PIGU: variants seen among roughly 807,000 people sequenced by gnomAD.
PIGU encodes phosphatidylinositol glycan anchor biosynthesis class U.
A neutral mutation model predicts 49.9 loss-of-function variants in PIGU; 24 were observed. The observed-to-expected ratio is 0.48, with a 90% CI of 0.35 to 0.68. The LOEUF (loss-of-function observed/expected upper bound fraction) is 0.68, where lower values mean the gene tolerates loss of function less well. Ranked by LOEUF, PIGU falls within the 30% of genes least tolerant of loss-of-function variation. The probability of loss-of-function intolerance (pLI) is 0.01; values close to 1 mark genes in which losing one functional copy is unlikely to be tolerated. For missense variants in PIGU, 490 were observed against 532.6 expected (o/e 0.92, Z 0.79); for synonymous variants, 220 against 205.7 (o/e 1.07, Z -0.59).
chr20:34,594,957 T>C (rs1210143895), intron 7 of PIGU, among the ~76,000 whole-genome samples: 2 of 150,818 alleles, frequency 1.3e-5, no homozygotes, highest in African/African-American at 4.9e-5. Flanking sequence ...CCGGGCATGG[T>C]GGGGGGCGCC....
intron 11 of PIGU, among the ~76,000 whole-genome samples, chr20:34,569,808 G>C (rs1982929788): frequency 6.6e-6 from 1 of 152,186 alleles, no homozygotes; most frequent in African/African-American, 2.4e-5. Flanking sequence ...TCATCAATAA[G>C]TAGTCACTGA....
chr20:34,670,434 C>T (rs1987275194), intron 1 of PIGU, among the ~76,000 whole-genome samples: 1 of 151,956 alleles, frequency 6.6e-6, no homozygotes, highest in South Asian at 2.1e-4. Context: ...GCAATCTACC[C>T]ACCTCCCACC....
chr20:34,647,075 T>A (rs1986372593), intron 2 of PIGU, among the ~76,000 whole-genome samples: 1 of 152,172 alleles, frequency 6.6e-6, no homozygotes, highest in Admixed American at 6.5e-5. Context: ...CGATCTCAGC[T>A]CATCGCAACC....
At chr20:34,612,664 C>A (rs1234771724) in intron 7 of PIGU, among the ~76,000 whole-genome samples, 1 of 149,936 alleles carries the variant, frequency 6.7e-6, no homozygotes, top group African/African-American at 2.5e-5. Context: ...CACTTCATCA[C>A]CCAGGCTGGA....
intron 6 of PIGU, among the ~76,000 whole-genome samples, chr20:34,627,249 T>C (rs1037821035): frequency 2.2e-4 from 34 of 152,222 alleles, no homozygotes; most frequent in African/African-American, 7.5e-4. Flanking sequence ...TTCCAATTTA[T>C]AGGTTTGAAT....
At chr20:34,579,783 C>A (rs947663555) in intron 10 of PIGU, among the ~76,000 whole-genome samples, 1 of 152,152 alleles carries the variant, frequency 6.6e-6, no homozygotes, top group Non-Finnish European at 1.5e-5. Context: ...GCCTCCTCAC[C>A]CCAGAGGGCA....
At chr20:34,648,686 C>A (rs925964328) in intron 2 of PIGU, among the ~76,000 whole-genome samples, 2 of 151,990 alleles carry the variant, frequency 1.3e-5, no homozygotes, top group African/African-American at 4.8e-5. Flanking sequence ...GTAGGTGAGA[C>A]TACAGATGTG....
intron 2 of PIGU, among the ~76,000 whole-genome samples, chr20:34,651,342 C>G (rs986301244): frequency 6.6e-6 from 1 of 152,226 alleles, no homozygotes. Flanking sequence ...TGCTTAGCTT[C>G]TTGGTCTCTA....
At chr20:34,649,004 A>G (rs565007205) in intron 2 of PIGU, among the ~76,000 whole-genome samples, 1 of 152,128 alleles carries the variant, frequency 6.6e-6, no homozygotes, top group Admixed American at 6.6e-5. Flanking sequence ...AGTAGCTGGG[A>G]CTACAGGCAC....
intron 9 of PIGU, among the ~76,000 whole-genome samples, chr20:34,582,083 C>A (rs1983499683): frequency 6.6e-6 from 1 of 152,116 alleles, no homozygotes; most frequent in African/African-American, 2.4e-5. Context: ...GACAATTGGA[C>A]GCAAGGCAGG....
chr20:34,666,994 A>G (rs1016336872), intron 1 of PIGU, among the ~76,000 whole-genome samples: 1 of 151,804 alleles, frequency 6.6e-6, no homozygotes, highest in Admixed American at 6.6e-5. Flanking sequence ...CACCGCGCCC[A>G]GCCAGCACCT....
Position 34,634,605 on chromosome 20 carries a change from A to T in PIGU, c.529+10T>A, listed in dbSNP as rs757991966. The T allele has an allele frequency of 8.7e-6, 14 of 1,611,538 alleles. No homozygotes were observed. The East Asian group carries it at 3.1e-4, about 36-fold the overall frequency. On this transcript the variant is annotated intron_variant, in intron 6 of 11. Coordinates refer to ENST00000217446, the MANE Select transcript of PIGU (RefSeq NM_080476.5). Reference sequence around the variant, plus strand: ...GGACTGACCTTTGTACTCTCCTTTCAGGGCCTTACCTTTTATCGTAGTCAA... The same window carrying T: ...GGACTGACCTTTGTACTCTCCTTTCTGGGCCTTACCTTTTATCGTAGTCAA...
At chr20:34,608,964 T>C (rs964186306) in intron 7 of PIGU, among the ~76,000 whole-genome samples, 1 of 152,146 alleles carries the variant, frequency 6.6e-6, no homozygotes, top group Admixed American at 6.5e-5. Context: ...GTCCACTTAG[T>C]AGTCTGGCAG....
chr20:34,573,153 T>C (rs772108763), intron 11 of PIGU, among the ~76,000 whole-genome samples: 2 of 152,194 alleles, frequency 1.3e-5, no homozygotes, highest in Non-Finnish European at 2.9e-5. Flanking sequence ...ACTCAGCCCA[T>C]TCCATATTCT....
chr20:34,657,688 C>G, intron 1 of PIGU, among the ~76,000 whole-genome samples: 1 of 152,122 alleles, frequency 6.6e-6, no homozygotes, highest in Non-Finnish European at 1.5e-5. Context: ...TATGTGCTTT[C>G]TAAGTGTGTG....
intron 5 of PIGU, among the ~76,000 whole-genome samples, chr20:34,636,282 C>A (rs1985961696): frequency 6.6e-6 from 1 of 151,910 alleles, no homozygotes; most frequent in Non-Finnish European, 1.5e-5. Flanking sequence ...ATAACTCATG[C>A]CTGTAATCCC....
At chr20:34,576,317 C>CA (rs768010495) in intron 10 of PIGU, among the ~76,000 whole-genome samples, 2 of 152,310 alleles carry the variant, frequency 1.3e-5, no homozygotes, top group Non-Finnish European at 2.9e-5. Context: ...AAAAATGACA[C>CA]AGATATATCA....
In PIGU at chr20:34,637,391, C is replaced by A. The variant is rs965416374; in HGVS notation, c.428+485G>T. 2.0e-5 allele frequency among the ~76,000 whole-genome samples: 3 copies of A among 152,186 alleles called. No homozygotes were observed. The South Asian group carries it at 6.2e-4, about 31-fold the overall frequency. Reference sequence around the variant, plus strand: ...AGCACTGGGTACACCCTAGAGAATTCTTTCATAGAGCCTCAGTAAGTTCCA... The same window carrying A: ...AGCACTGGGTACACCCTAGAGAATTATTTCATAGAGCCTCAGTAAGTTCCA... On this transcript the variant is annotated intron_variant, in intron 5 of 11. Coordinates refer to ENST00000217446, the MANE Select transcript of PIGU (RefSeq NM_080476.5).
intron 1 of PIGU, among the ~76,000 whole-genome samples, chr20:34,673,045 G>C (rs1426004020): frequency 6.6e-6 from 1 of 151,732 alleles, no homozygotes; most frequent in South Asian, 2.1e-4. Flanking sequence ...ACGAGGTCAG[G>C]AGATCGAGAC....
Sources: allele counts gnomAD v4.1 joint callset (sites outside exome capture counted in the v4.1 genomes callset), GRCh38; gene constraint gnomAD v4.1.1; transcripts MANE v1.5; gene names NCBI Gene and HGNC (gene_info 2026-07-23, HGNC 2026-07-21).